The following PMVK variants were observed in gnomAD, a reference collection of about 807,000 sequenced individuals.
The protein encoded by PMVK is phosphomevalonate kinase.
Under a neutral mutation model 19.0 loss-of-function variants are expected in PMVK, and 10 were observed. The observed-to-expected ratio is 0.53, with a 90% CI of 0.32 to 0.89. The LOEUF (loss-of-function observed/expected upper bound fraction) is 0.89. Among genes scored for constraint, PMVK ranks in the 40% least tolerant of loss-of-function variants. The pLI is 0.03. For missense variants in PMVK, 222 were observed against 251.1 expected, an observed-to-expected ratio of 0.88 and a Z score of 0.78; for synonymous variants, 108 against 101.6, an observed-to-expected ratio of 1.06 and a Z score of -0.38.
chr1:154,942,056 T>C, the PMVK span, among the ~76,000 whole-genome samples: 2 of 151,988 alleles, frequency 1.3e-5, no homozygotes, highest in Admixed American at 1.3e-4. Flanking sequence ...CATTTGAGAG[T>C]AGAAGGCCCA....
At chr1:154,930,392 T>C (rs1352030199) in intron 2 of PMVK, among the ~76,000 whole-genome samples, 1 of 152,076 alleles carries the variant, frequency 6.6e-6, no homozygotes, top group Non-Finnish European at 1.5e-5. Flanking sequence ...CCCCAGGAGG[T>C]GGAGGTTGCA....
chr1:154,941,500 G>C (rs559088643), upstream of PMVK, among the ~76,000 whole-genome samples: 1 of 152,302 alleles, frequency 6.6e-6, no homozygotes, highest in Non-Finnish European at 1.5e-5. Flanking sequence ...CTGTGAGCAT[G>C]TGAAGGGGCC....
intron 2 of PMVK, among the ~76,000 whole-genome samples, chr1:154,931,941 G>A (rs1021165248): frequency 4.0e-5 from 6 of 151,890 alleles, no homozygotes; most frequent in African/African-American, 7.3e-5. Context: ...TACCTGCCTC[G>A]GCCTCCCAAA....
At chr1:154,928,750 C>A (rs185356244) in intron 3 of PMVK, among the ~76,000 whole-genome samples, 11 of 150,466 alleles carry the variant, frequency 7.3e-5, no homozygotes, top group Non-Finnish European at 1.6e-4. Flanking sequence ...CCAGCCCAGG[C>A]GACAAGTGTG....
At chr1:154,931,389 AG>A (rs1654330351) in intron 2 of PMVK, among the ~76,000 whole-genome samples, 1 of 152,182 alleles carries the variant, frequency 6.6e-6, no homozygotes, top group Non-Finnish European at 1.5e-5. Flanking sequence ...CCCTTTCTGA[AG>A]TCTAAGATTC....
At chr1:154,928,336 G>C (rs1476120689) in intron 3 of PMVK, among the ~76,000 whole-genome samples, 1 of 152,220 alleles carries the variant, frequency 6.6e-6, no homozygotes, top group African/African-American at 2.4e-5. Flanking sequence ...TAAGGAGTAA[G>C]GAGGCTAAAA....
rs1027812743 is a variant in PMVK at position 154,932,550 on chromosome 1, T to C, written c.96-135A>G. 2.7e-4 allele frequency: 158 copies of C among 591,048 alleles called. No individual in the cohort carries two copies. The East Asian group carries it at 4.8e-3, about 18-fold the overall frequency. 36.6% of individuals were successfully genotyped at this position (591,048 alleles called of 1,614,324 possible). A position where few individuals can be genotyped will look rare whatever the true frequency, so the allele number is the denominator to read the frequency against. ...ATTATGTAACTTTGGTAGGTCTCAA[T>C]GTCCCTGATCCTGTTTCCTCATCAG... On this transcript the variant is annotated intron_variant, in intron 1 of 4. Coordinates refer to ENST00000368467, the MANE Select transcript of PMVK (RefSeq NM_006556.4).
upstream of PMVK, among the ~76,000 whole-genome samples, chr1:154,939,221 T>A (rs1239544443): frequency 6.6e-6 from 1 of 152,112 alleles, no homozygotes; most frequent in East Asian, 1.9e-4. Context: ...CTGGGCTTTG[T>A]CATCACCAGA....
In PMVK at chr1:154,926,462, C is replaced by T. The variant is rs1349815653; in HGVS notation, c.334G>A (p.Val112Met). 1.9e-6 allele frequency: 3 copies of T among 1,613,824 alleles called. No individual in the cohort carries two copies. The highest frequency in any genetic ancestry group is 8.5e-7 in the Non-Finnish European group (1 of 1,179,946). ...TCCCGAAACCACTGGATGTCAGACA[C>T]TCTCCGTGTGTCACTCACCAGCTGC... is the stretch of plus-strand genomic sequence containing the variant. ...PIWLVSDTRR[V>M]SDIQWFREAY... is the part of the protein sequence containing the mutation. Residue 112 changes from valine to methionine, a missense_variant, in exon 4 of 5, where the codon GTG becomes ATG. Physicochemically the swap from Val to Met is conservative, Grantham distance 21. Coordinates refer to ENST00000368467, the MANE Select transcript of PMVK (RefSeq NM_006556.4).
Position 154,925,080 on chromosome 1 carries a change from G to A in PMVK, c.*49C>T, listed in dbSNP as rs183331301. ...GGGACACCCCCATTTTGCAGAGTCA[G>A]CCCCACCCCCACCTCAGCAGGCCCC... On this transcript the variant is annotated 3_prime_UTR_variant, in exon 5 of 5. Coordinates refer to ENST00000368467, the MANE Select transcript of PMVK (RefSeq NM_006556.4). 306 of 1,459,272 alleles carry A rather than the reference G, an allele frequency of 2.1e-4. 1 individual carries two copies. In the African/African-American group the frequency reaches 3.7e-3, roughly 18 times the overall value. 90.4% of individuals were successfully genotyped at this position (1,459,272 alleles called of 1,614,324 possible).
chr1:154,935,646 C>T (rs1022733846), intron 1 of PMVK, among the ~76,000 whole-genome samples: 8 of 152,174 alleles, frequency 5.3e-5, no homozygotes, highest in Admixed American at 2.0e-4. Flanking sequence ...GGATTTGCCA[C>T]TTACTTTGTG....
rs574711717 is a variant in PMVK, at chr1:154,933,440, G to GAAAATA, written c.96-1031_96-1026dup. ...AAGAGTGAAAATCCATCTCAAAAATGAAAATAAAAATAAAAATAACTCATT... is the reference window on the plus strand; with the variant it reads ...AAGAGTGAAAATCCATCTCAAAAATGAAAATAAAAATAAAAATAAAAATAACTCATT... On this transcript the variant is annotated intron_variant, in intron 1 of 4. Transcript: ENST00000368467. 4.5e-3 allele frequency among the ~76,000 whole-genome samples: 633 copies of GAAAATA among 140,730 alleles called. 5 individuals carry two copies. Among genetic ancestry groups the GAAAATA allele is most frequent in the South Asian group, 0.013 (57 of 4,242 alleles). 92.3% of individuals were successfully genotyped at this position (140,730 alleles called of 152,430 possible).
chr1:154,925,079 A>AG lies in PMVK; in HGVS notation c.*49dup. 9 of 1,339,800 alleles carry AG rather than the reference A, an allele frequency of 6.7e-6. No individual in the cohort carries two copies. Among genetic ancestry groups the AG allele is most frequent in the Non-Finnish European group, 8.0e-6 (8 of 996,686 alleles). 83.0% of individuals were successfully genotyped at this position (1,339,800 alleles called of 1,614,324 possible). On this transcript the variant is annotated 3_prime_UTR_variant, in exon 5 of 5. Transcript: ENST00000368467. ...GGGGACACCCCCATTTTGCAGAGTC[A>AG]GCCCCACCCCCACCTCAGCAGGCCC...
chr1:154,939,593 G>T (rs1264112162), upstream of PMVK, among the ~76,000 whole-genome samples: 2 of 151,686 alleles, frequency 1.3e-5, no homozygotes, highest in African/African-American at 4.8e-5. Context: ...CTACACTCGG[G>T]AGGCTGAGGC....
intron 3 of PMVK, among the ~76,000 whole-genome samples, chr1:154,926,813 A>C (rs925602163): frequency 1.4e-4 from 21 of 152,250 alleles, no homozygotes; most frequent in African/African-American, 4.6e-4. Context: ...GCCCTCTCAG[A>C]GCTTACAGTC....
Position 154,925,206 on chromosome 1 carries a change from T to C in PMVK, c.502A>G (p.Ile168Val). Residue 168 changes from isoleucine to valine, a missense_variant, in exon 5 of 5, where the codon ATC becomes GTC. Ile to Val is a conservative substitution (Grantham distance 29). Transcript: ENST00000368467. ...CGCTGTTCAACTCCATGGTTCTCGATGACCCAGTCAAAGTCCCCGAAGTTG... is the reference window on the plus strand; with the variant it reads ...CGCTGTTCAACTCCATGGTTCTCGACGACCCAGTCAAAGTCCCCGAAGTTG... ...LDNFGDFDWV[I>V]ENHGVEQRLE... 6.2e-7 allele frequency: 1 copy of C among 1,613,904 alleles called. No individual in the cohort carries two copies.
the PMVK span, among the ~76,000 whole-genome samples, chr1:154,942,025 C>A: frequency 6.6e-6 from 1 of 152,082 alleles, no homozygotes; most frequent in Non-Finnish European, 1.5e-5. Flanking sequence ...TTGGGACTGG[C>A]CAAAGGAAAT....
Position 154,929,031 on chromosome 1 carries a change from G to A in PMVK, c.305C>T (p.Pro102Leu). 1 of 1,613,898 alleles carries A rather than the reference G, an allele frequency of 6.2e-7. No homozygotes were observed. Among genetic ancestry groups the A allele is most frequent in the Non-Finnish European group, 8.5e-7 (1 of 1,179,848 alleles). Residue 102 changes from proline (P) to leucine (L), a missense_variant, in exon 3 of 5, where the codon CCC becomes CTC. Physicochemically the swap from Pro to Leu is moderately conservative, Grantham distance 98 (BLOSUM62 -3). Coordinates refer to ENST00000368467, the MANE Select transcript of PMVK (RefSeq NM_006556.4). The part of the protein sequence containing the change: ...CRKIVEGISQ[P>L]IWLVSDTRRV... ...GCCATGGAGCCCTCTTACCCAGATG[G>A]GCTGGGAGATGCCCTCCACAATCTT... is the stretch of plus-strand genomic sequence containing the variant.
chr1:154,933,189 C>T (rs886652323), intron 1 of PMVK, among the ~76,000 whole-genome samples: 2 of 152,124 alleles, frequency 1.3e-5, no homozygotes, highest in African/African-American at 4.8e-5. Flanking sequence ...AATCCCAGTA[C>T]TTTGGAAGGC....
Sources: gnomAD v4.1 joint callset for allele counts (sites outside exome capture counted in the v4.1 genomes callset) on GRCh38, gnomAD v4.1.1 for gene constraint, MANE v1.5 for transcripts, NCBI Gene and HGNC (gene_info 2026-07-23, HGNC 2026-07-21) for gene names.